The following AKAP13 variants were observed in gnomAD, a reference collection of about 807,000 sequenced individuals.
The protein encoded by AKAP13 is A-kinase anchoring protein 13, also known as A-kinase anchor protein 13.
A neutral mutation model predicts 264.5 loss-of-function variants in AKAP13; 80 were observed. The ratio of observed to expected loss-of-function variants is 0.30; its 90% CI spans 0.25 to 0.36. The LOEUF (loss-of-function observed/expected upper bound fraction) is 0.36, where lower values mean the gene tolerates loss of function less well. Among genes scored for constraint, AKAP13 ranks in the 10% least tolerant of loss-of-function variants. The pLI is 1.00. For synonymous variants in AKAP13, 1,380 were observed against 1,250.2 expected (o/e 1.10, Z -2.19); for missense variants, 3,712 against 3,435.2 (o/e 1.08, Z -2.01).
chr15:85,466,787 T>C (rs2074757742), intron 1 of AKAP13, among the ~76,000 whole-genome samples: 1 of 152,212 alleles, frequency 6.6e-6, no homozygotes, highest in African/African-American at 2.4e-5. Flanking sequence ...AAATTTTTGC[T>C]CAGTTGTTAA....
chr15:85,693,224 A>G, intron 16 of AKAP13, 53 bp from the exon 17 acceptor site: 1 of 1,495,742 alleles, frequency 6.7e-7, no homozygotes, highest in South Asian at 1.4e-5. Context: ...CCAGGTAAGG[A>G]GAAAGCCCTC....
At chr15:85,643,094 C>G (rs2082384987) in intron 9 of AKAP13, among the ~76,000 whole-genome samples, 2 of 151,124 alleles carry the variant, frequency 1.3e-5, no homozygotes, top group Non-Finnish European at 1.5e-5. Flanking sequence ...TGAACTAACA[C>G]ACTCCAAAAT....
At chr15:85,419,440 TG>T (rs2072407992) in intron 1 of AKAP13, among the ~76,000 whole-genome samples, 1 of 152,234 alleles carries the variant, frequency 6.6e-6, no homozygotes, top group South Asian at 2.1e-4. Flanking sequence ...TGATACATTG[TG>T]TATCATTCTG....
intron 15 of AKAP13, 80 bp downstream of exon 15, chr15:85,682,292 A>T (rs1367203987): frequency 2.1e-6 from 3 of 1,403,038 alleles, no homozygotes; most frequent in African/African-American, 1.4e-5. Flanking sequence ...AATTACGTAA[A>T]CTAAGTTAAT....
At chr15:85,682,670 T>A (rs2084659880) in intron 15 of AKAP13, among the ~76,000 whole-genome samples, 1 of 150,240 alleles carries the variant, frequency 6.7e-6, no homozygotes, top group Non-Finnish European at 1.5e-5. Context: ...GAATTGATTC[T>A]TTTTTTTTTC....
intron 14 of AKAP13, chr15:85,676,950 A>G: frequency 4.1e-6 from 4 of 985,482 alleles, no homozygotes; most frequent in Non-Finnish European, 4.8e-6. Context: ...GCATGCTCTA[A>G]TGTCTTCTGT....
Position 85,697,761 on chromosome 15 carries a change from G to T in AKAP13, c.5464+4310G>T, listed in dbSNP as rs552406916. Among the ~76,000 whole-genome samples the T allele has an allele frequency of 2.5e-4, 38 of 152,274 alleles. No individual in the cohort carries two copies. In the South Asian group the frequency reaches 7.3e-3, roughly 29 times the overall value. ...TCCTGATTTATAATTGTTTATAAAG[G>T]AATAAGATGGCTTCTACTCTGTTGT... is the stretch of plus-strand genomic sequence containing the variant. On this transcript the variant is annotated intron_variant, in intron 17 of 36. Coordinates refer to ENST00000394518, the MANE Select transcript of AKAP13 (RefSeq NM_007200.5).
intron 4 of AKAP13, chr15:85,534,228 A>G: frequency 3.1e-6 from 1 of 324,240 alleles, no homozygotes. Flanking sequence ...GATCAAAGAC[A>G]TGGTTTTCAT....
intron 2 of AKAP13, among the ~76,000 whole-genome samples, chr15:85,502,342 G>A (rs2076058781): frequency 6.6e-6 from 1 of 152,080 alleles, no homozygotes; most frequent in Non-Finnish European, 1.5e-5. Context: ...GCAATATTTG[G>A]CAATTATTGA....
At chr15:85,608,203 G>T (rs1245240423) in intron 8 of AKAP13, among the ~76,000 whole-genome samples, 2 of 152,120 alleles carry the variant, frequency 1.3e-5, no homozygotes, top group African/African-American at 4.8e-5. Flanking sequence ...TATTTTATGT[G>T]GGATTCATAT....
At chr15:85,524,425 C>T (rs546581883) in intron 3 of AKAP13, among the ~76,000 whole-genome samples, 22 of 152,130 alleles carry the variant, frequency 1.4e-4, no homozygotes, top group African/African-American at 4.6e-4. Context: ...CTGCCCACCT[C>T]GGCCTCCCAA....
At chr15:85,590,499 T>C (rs921152814) in intron 8 of AKAP13, among the ~76,000 whole-genome samples, 1 of 152,186 alleles carries the variant, frequency 6.6e-6, no homozygotes, top group Non-Finnish European at 1.5e-5. Flanking sequence ...ACTTTAAAGG[T>C]CCAGTGCTGA....
intron 12 of AKAP13, among the ~76,000 whole-genome samples, chr15:85,662,039 C>G (rs545510964): frequency 1.1e-3 from 169 of 152,080 alleles, no homozygotes; most frequent in African/African-American, 3.9e-3. Flanking sequence ...AGAGATTGTA[C>G]CCAGTGGTGG....
At chr15:85,443,117 A>C (rs1453759894) in intron 1 of AKAP13, among the ~76,000 whole-genome samples, 2 of 152,044 alleles carry the variant, frequency 1.3e-5, no homozygotes, top group Non-Finnish European at 2.9e-5. Flanking sequence ...TGGTTTAAGA[A>C]AGATAGTTCT....
chr15:85,555,675 A>G (rs1289700445), intron 5 of AKAP13, among the ~76,000 whole-genome samples: 2 of 152,210 alleles, frequency 1.3e-5, no homozygotes, highest in East Asian at 1.9e-4. Context: ...TTTTCTATGT[A>G]TGTTAGCATA....
At chr15:85,389,635 A>G (rs963297244) in intron 1 of AKAP13, among the ~76,000 whole-genome samples, 6 of 152,368 alleles carry the variant, frequency 3.9e-5, no homozygotes, top group Non-Finnish European at 5.9e-5. Context: ...ATAACAAAGA[A>G]GTATTTGTTG....
At chr15:85,517,200 C>G (rs537148969) in intron 2 of AKAP13, among the ~76,000 whole-genome samples, 3 of 152,272 alleles carry the variant, frequency 2.0e-5, no homozygotes, top group Non-Finnish European at 4.4e-5. Flanking sequence ...GCCATCCTGT[C>G]TTTCACTCTT....
At chr15:85,462,175 G>T (rs2074546061) in intron 1 of AKAP13, among the ~76,000 whole-genome samples, 1 of 152,190 alleles carries the variant, frequency 6.6e-6, no homozygotes. Context: ...CTGATAGCAG[G>T]CCTCATGTGA....
At chr15:85,574,541 A>G (rs1187213536) in intron 5 of AKAP13, among the ~76,000 whole-genome samples, 1 of 152,258 alleles carries the variant, frequency 6.6e-6, no homozygotes, top group Non-Finnish European at 1.5e-5. Flanking sequence ...CTTGGAACCA[A>G]GTGCTTTATT....
Sources: gnomAD v4.1 joint callset for allele counts (sites outside exome capture counted in the v4.1 genomes callset) on GRCh38, gnomAD v4.1.1 for gene constraint, MANE v1.5 for transcripts, NCBI Gene and HGNC (gene_info 2026-07-23, HGNC 2026-07-21) for gene names.